Variants in TCF12 observed in about 807,000 individuals in gnomAD.
The protein encoded by TCF12 is DNA-binding protein HTF4.
Under a neutral mutation model 86.0 loss-of-function variants are expected in TCF12, and 45 were observed. The observed-to-expected ratio is 0.52, with a 90% confidence interval of 0.41 to 0.67. The LOEUF (loss-of-function observed/expected upper bound fraction) is 0.67. TCF12 is among the 30% of genes least tolerant of loss of function. The pLI is 0.00. For synonymous variants in TCF12, 330 were observed against 299.6 expected, an observed-to-expected ratio of 1.10 and a Z score of -1.05; for missense variants, 881 against 859.9, an observed-to-expected ratio of 1.02 and a Z score of -0.31.
Position 57,071,671 on chromosome 15 carries a change from T to G in TCF12, c.222+7848T>G, listed in dbSNP as rs553051537. Among the ~76,000 whole-genome samples the G allele has an allele frequency of 9.9e-4, 150 of 152,284 alleles. 1 individual carries two copies. The highest frequency in any genetic ancestry group is 3.3e-3 in the African/African-American group (139 of 41,564). ...AACACAGCCCAAAAAACTTCTTAAC[T>G]CTTTTAAGACAGCAGTGGAGATGCT... On this transcript the variant is annotated intron_variant, in intron 4 of 20. Transcript: ENST00000333725.
intron 5 of TCF12, among the ~76,000 whole-genome samples, chr15:57,136,209 A>G (rs1769265096): frequency 6.6e-6 from 1 of 152,198 alleles, no homozygotes; most frequent in African/African-American, 2.4e-5. Context: ...CAGCTTCTAA[A>G]CACTAAAAAT....
chr15:57,056,116 GGT>G (rs137934114), intron 3 of TCF12, among the ~76,000 whole-genome samples: 7,152 of 143,210 alleles, frequency 0.05, 238 homozygotes, highest in South Asian at 0.091. Context: ...TAGTTTTAGG[GGT>G]GTGTGTGTGT....
chr15:57,010,167 T>A lies in TCF12; in HGVS notation c.149-53583T>A, dbSNP rs191996294. 4.1e-3 allele frequency among the ~76,000 whole-genome samples: 622 copies of A among 152,104 alleles called. 14 individuals are homozygous for A. Among genetic ancestry groups the A allele is most frequent in the Admixed American group, 0.028 (420 of 15,268 alleles). ...ATCCCAAAGTCCCCTCCCTTTTTTT[T>A]AAAAAAACTCCTTAACTATAAGAGA... On this transcript the variant is annotated intron_variant, in intron 3 of 20. Transcript: ENST00000333725.
At chr15:57,114,692 T>C (rs1269843632) in intron 5 of TCF12, among the ~76,000 whole-genome samples, 2 of 152,138 alleles carry the variant, frequency 1.3e-5, no homozygotes, top group Non-Finnish European at 2.9e-5. Flanking sequence ...TTTCTTAGGG[T>C]ACATGAATTC....
At chr15:57,232,596 A>G (rs1411411051) in intron 10 of TCF12, 116 bp from the exon 11 acceptor site, 5 of 1,430,586 alleles carry the variant, frequency 3.5e-6, no homozygotes, top group Non-Finnish European at 4.7e-6. Flanking sequence ...GACAATAAGT[A>G]GTGCTCTTTA....
chr15:57,171,787 CAG>C (rs1192696706), intron 6 of TCF12, among the ~76,000 whole-genome samples: 1 of 152,180 alleles, frequency 6.6e-6, no homozygotes, highest in Non-Finnish European at 1.5e-5. Context: ...TGATGAAACA[CAG>C]AGCATAGAAG....
intron 3 of TCF12, among the ~76,000 whole-genome samples, chr15:57,011,975 G>A (rs1244760925): frequency 1.3e-5 from 2 of 152,250 alleles, no homozygotes; most frequent in East Asian, 3.9e-4. Context: ...GCTTGTAATG[G>A]TGTGTATAGG....
intron 3 of TCF12, among the ~76,000 whole-genome samples, chr15:57,017,726 CTTTTTT>C (rs34230192): frequency 1.5e-5 from 2 of 130,568 alleles, no homozygotes; most frequent in Non-Finnish European, 3.2e-5. Flanking sequence ...AATTTTCTTT[CTTTTTT>C]TTTTTTTTTT....
intron 6 of TCF12, among the ~76,000 whole-genome samples, chr15:57,174,262 T>C (rs185743886): frequency 6.6e-6 from 1 of 152,296 alleles, no homozygotes; most frequent in Admixed American, 6.5e-5. Flanking sequence ...GGTTTAAGAT[T>C]TGAAAATCCA....
At chr15:57,043,971 A>G (rs1001200911) in intron 3 of TCF12, among the ~76,000 whole-genome samples, 1 of 152,124 alleles carries the variant, frequency 6.6e-6, no homozygotes, top group East Asian at 1.9e-4. Context: ...TTTTTTACCG[A>G]AAACTATGAT....
chr15:57,146,618 T>C (rs557524385), intron 5 of TCF12, among the ~76,000 whole-genome samples: 2 of 152,198 alleles, frequency 1.3e-5, no homozygotes, highest in African/African-American at 4.8e-5. Context: ...ATCTGACTGA[T>C]TTTAATTTAG....
At chr15:57,257,679 G>GTATATATATATATATATATATA (rs55834033) in intron 16 of TCF12, among the ~76,000 whole-genome samples, 85 of 140,342 alleles carry the variant, frequency 6.1e-4, no homozygotes, top group African/African-American at 2.2e-3. Flanking sequence ...AAAAAAAAGT[G>GTATATATATATATATATATATA]TATATATATA....
intron 3 of TCF12, among the ~76,000 whole-genome samples, chr15:56,997,605 T>C (rs2063783062): frequency 6.6e-6 from 1 of 152,142 alleles, no homozygotes; most frequent in Admixed American, 6.5e-5. Flanking sequence ...CCTGCACATA[T>C]ACCCCCAGAT....
At chr15:57,174,449 A>G (rs1433696961) in intron 6 of TCF12, among the ~76,000 whole-genome samples, 1 of 152,244 alleles carries the variant, frequency 6.6e-6, no homozygotes, top group Non-Finnish European at 1.5e-5. Context: ...ATCTATGGCT[A>G]ACAGAATACT....
chr15:57,118,896 G>A (rs1730608630), intron 5 of TCF12, among the ~76,000 whole-genome samples: 1 of 152,068 alleles, frequency 6.6e-6, no homozygotes, highest in African/African-American at 2.4e-5. Context: ...TTTTCCTTAA[G>A]ATAGAGGTAA....
chr15:57,267,131 G>A (rs1321010961), intron 18 of TCF12, among the ~76,000 whole-genome samples: 1 of 152,164 alleles, frequency 6.6e-6, no homozygotes, highest in Non-Finnish European at 1.5e-5. Flanking sequence ...AATGATATGT[G>A]TATATATCTT....
At chr15:57,042,682 G>A (rs983494588) in intron 3 of TCF12, among the ~76,000 whole-genome samples, 24 of 152,014 alleles carry the variant, frequency 1.6e-4, no homozygotes, top group African/African-American at 5.8e-4. Context: ...CCAAAGTGCT[G>A]GGATTACAAA....
chr15:57,282,569 C>T lies in TCF12; in HGVS notation c.2103C>T (p.Asn701=). The stretch of plus-strand genomic sequence containing the variant: ...ATCCTGGGCTTAGTGAAACTACCAA[C>T]CCTATGGGTCATATGTAAACATCAG... ...GTHPGLSETT[N]PMGHM The change falls in exon 20 of 21, where the codon AAC becomes AAT. Residue 701 remains asparagine (N), a synonymous_variant. Transcript: ENST00000333725. 6.2e-7 allele frequency: 1 copy of T among 1,614,106 alleles called. No individual in the cohort carries two copies.
intron 3 of TCF12, among the ~76,000 whole-genome samples, chr15:57,058,163 C>T (rs1292779883): frequency 1.3e-5 from 2 of 152,188 alleles, no homozygotes; most frequent in Admixed American, 6.5e-5. Flanking sequence ...CCCAAGTCGA[C>T]CCCTGGGAAC....
Sources: gnomAD v4.1 joint callset for allele counts (sites outside exome capture counted in the v4.1 genomes callset) on GRCh38, gnomAD v4.1.1 for gene constraint, MANE v1.5 for transcripts, NCBI Gene and HGNC (gene_info 2026-07-23, HGNC 2026-07-21) for gene names.